GRXCR2: variants seen among roughly 807,000 people sequenced by gnomAD.
GRXCR2 encodes glutaredoxin and cysteine rich domain containing 2.
GRXCR2 carries 23 observed loss-of-function variants against 24.8 expected under a neutral mutation model. That is an observed-to-expected ratio of 0.93 (90% confidence interval 0.67 to 1.32). The LOEUF is 1.32. Among genes scored for constraint, GRXCR2 ranks in the 40% most tolerant of loss-of-function variants. GRXCR2 has a pLI of 0.00. For synonymous variants in GRXCR2, 130 were observed against 116.1 expected, an observed-to-expected ratio of 1.12 and a Z score of -0.77; for missense variants, 315 against 303.4, an observed-to-expected ratio of 1.04 and a Z score of -0.28.
intron 2 of GRXCR2, among the ~76,000 whole-genome samples, chr5:145,878,800 AG>A (rs1756657382): frequency 6.6e-6 from 1 of 152,238 alleles, no homozygotes; most frequent in Admixed American, 6.5e-5. Flanking sequence ...CCAGACAGAA[AG>A]GTCAGGTTAC....
At chr5:145,858,146 T>A (rs539008312), downstream of GRXCR2, among the ~76,000 whole-genome samples, 4 of 152,092 alleles carry the variant, frequency 2.6e-5, no homozygotes, top group East Asian at 7.7e-4. Context: ...AAACCCCGTC[T>A]CTACTAAAAA....
chr5:145,921,662 T>C (rs1346335966), intron 2 of GRXCR2, among the ~76,000 whole-genome samples: 1 of 152,216 alleles, frequency 6.6e-6, no homozygotes, highest in Non-Finnish European at 1.5e-5. Context: ...AATAATGTTA[T>C]GAATGGCTTT....
Position 145,906,440 on chromosome 5 carries a change from G to A in GRXCR2, c.-70+29261C>T, listed in dbSNP as rs557821781. On this transcript the variant is annotated intron_variant, in intron 2 of 3. Transcript: ENST00000639411. ...AAGTTGATGGGGACAATAAAAACCT[G>A]CCTGAGAATGAAGCTAACAGGAAAG... Among the ~76,000 whole-genome samples, 12 of 152,298 alleles carry A rather than the reference G, an allele frequency of 7.9e-5. No individual in the cohort carries two copies. The East Asian group carries it at 2.3e-3, about 29-fold the overall frequency.
intron 2 of GRXCR2, among the ~76,000 whole-genome samples, chr5:145,905,461 T>A (rs931917709): frequency 2.0e-5 from 3 of 152,222 alleles, no homozygotes; most frequent in African/African-American, 7.2e-5. Context: ...TTATTAGAGA[T>A]GTACTATGTA....
chr5:145,864,746 T>C (rs1017332262), intron 2 of GRXCR2, among the ~76,000 whole-genome samples: 1 of 152,182 alleles, frequency 6.6e-6, no homozygotes, highest in Non-Finnish European at 1.5e-5. Context: ...CAATTAAACC[T>C]CCTTTGTTTA....
At chr5:145,926,692 G>A (rs574539625) in intron 2 of GRXCR2, among the ~76,000 whole-genome samples, 21 of 152,268 alleles carry the variant, frequency 1.4e-4, no homozygotes, top group African/African-American at 4.1e-4. Context: ...TTTGGCTTAC[G>A]ATTGACTTGG....
rs762206414 is a variant in GRXCR2 at position 145,873,006 on chromosome 5, G to A, written c.-38C>T. ...GACCCTGTGGTCTCCAGCCTTCCGT[G>A]CAGCCGGTGAAACTTGGGCCTCTGA... On this transcript the variant is annotated 5_prime_UTR_variant, in exon 1 of 3. Coordinates refer to ENST00000377976, the MANE Select transcript of GRXCR2 (RefSeq NM_001080516.2). The A allele has an allele frequency of 1.3e-6, 2 of 1,564,856 alleles. No individual in the cohort carries two copies. Among genetic ancestry groups the A allele is most frequent in the Non-Finnish European group, 1.8e-6 (2 of 1,141,234 alleles).
intron 2 of GRXCR2, among the ~76,000 whole-genome samples, chr5:145,918,278 C>G (rs1196575867): frequency 6.6e-6 from 1 of 152,164 alleles, no homozygotes; most frequent in African/African-American, 2.4e-5. Context: ...CAGGCAATTT[C>G]ATTCCCACTT....
chr5:145,928,000 T>C (rs1193639004), intron 2 of GRXCR2, among the ~76,000 whole-genome samples: 1 of 151,852 alleles, frequency 6.6e-6, no homozygotes, highest in African/African-American at 2.4e-5. Flanking sequence ...TGCAATCTAC[T>C]CATCTGACAA....
chr5:145,878,571 T>G (rs887747605), intron 2 of GRXCR2, among the ~76,000 whole-genome samples: 2 of 151,704 alleles, frequency 1.3e-5, no homozygotes, highest in African/African-American at 4.8e-5. Flanking sequence ...CGACATTTGA[T>G]AGGTGTACCT....
intron 2 of GRXCR2, among the ~76,000 whole-genome samples, chr5:145,918,183 C>T (rs184823905): frequency 6.6e-6 from 1 of 152,184 alleles, no homozygotes; most frequent in Non-Finnish European, 1.5e-5. Context: ...TCGTTATTAG[C>T]CATGACAAAC....
At chr5:145,863,855 T>C (rs1432977761) in intron 2 of GRXCR2, among the ~76,000 whole-genome samples, 1 of 152,186 alleles carries the variant, frequency 6.6e-6, no homozygotes, top group African/African-American at 2.4e-5. Flanking sequence ...TCTTACCAGC[T>C]GGCACTTTGG....
At position 145,872,962 on chromosome 5, in the gene GRXCR2, C is replaced by T; in HGVS notation, c.7G>A (p.Asp3Asn). The part of the protein sequence containing the change: ME[D>N]PEKKLNQKSD... ...TTCTGATTCAGCTTTTTCTCAGGGT[C>T]CTCCATCAGCAGAAAGTTGACCCTG... is the stretch of plus-strand genomic sequence containing the variant. The change falls in exon 1 of 3, where the codon GAC becomes AAC. Residue 3 changes from aspartate (D) to asparagine (N), a missense_variant. Physicochemically the swap from Asp to Asn is conservative, Grantham distance 23. Transcript: ENST00000377976. The T allele has an allele frequency of 6.2e-7, 1 of 1,613,668 alleles. No individual in the cohort carries two copies. Among genetic ancestry groups the T allele is most frequent in the Non-Finnish European group, 8.5e-7 (1 of 1,179,606 alleles).
chr5:145,897,949 GA>G (rs911114103), intron 2 of GRXCR2, among the ~76,000 whole-genome samples: 12 of 151,888 alleles, frequency 7.9e-5, no homozygotes, highest in Non-Finnish European at 1.3e-4. Context: ...GGTAGAGGAA[GA>G]AAAAACTAAA....
chr5:145,908,446 T>C (rs2149924710), intron 2 of GRXCR2, among the ~76,000 whole-genome samples: 1 of 152,266 alleles, frequency 6.6e-6, no homozygotes, highest in African/African-American at 2.4e-5. Context: ...TGATTCAGAA[T>C]CCTGGTGGGT....
At chr5:145,891,749 A>C (rs1756867761) in intron 2 of GRXCR2, among the ~76,000 whole-genome samples, 1 of 152,224 alleles carries the variant, frequency 6.6e-6, no homozygotes, top group South Asian at 2.1e-4. Flanking sequence ...CCTCTGCAGA[A>C]TTAAATGTCC....
At chr5:145,889,051 G>A (rs1756818876) in intron 2 of GRXCR2, among the ~76,000 whole-genome samples, 1 of 151,976 alleles carries the variant, frequency 6.6e-6, no homozygotes, top group South Asian at 2.1e-4. Context: ...GCAGGCGCCT[G>A]TAATCCTGAG....
At chr5:145,888,512 T>C (rs1756807646) in intron 2 of GRXCR2, among the ~76,000 whole-genome samples, 1 of 152,182 alleles carries the variant, frequency 6.6e-6, no homozygotes, top group African/African-American at 2.4e-5. Context: ...TCTAGGAGAA[T>C]GTAACAAGGA....
At chr5:145,889,295 G>A (rs1756829269) in intron 2 of GRXCR2, among the ~76,000 whole-genome samples, 1 of 152,074 alleles carries the variant, frequency 6.6e-6, no homozygotes, top group South Asian at 2.1e-4. Context: ...GGGTTGGGAG[G>A]CAAGGGATAA....
Sources: gnomAD v4.1 joint callset for allele counts (sites outside exome capture counted in the v4.1 genomes callset) on GRCh38, gnomAD v4.1.1 for gene constraint, MANE v1.5 for transcripts, NCBI Gene and HGNC (gene_info 2026-07-23, HGNC 2026-07-21) for gene names.